Variants in FMN1 observed in about 807,000 individuals in gnomAD.
FMN1 encodes the protein formin-1.
Under a neutral mutation model 132.4 loss-of-function variants are expected in FMN1, and 110 were observed. That is an observed-to-expected ratio of 0.83 (90% confidence interval 0.71 to 0.97). The LOEUF (loss-of-function observed/expected upper bound fraction) is 0.97. Among genes scored for constraint, FMN1 ranks in the 50% least tolerant of loss-of-function variants. The pLI, the probability that FMN1 is intolerant of heterozygous loss-of-function variation, is 0.00. For synonymous variants in FMN1, 722 were observed against 651.7 expected (o/e 1.11, Z -1.64); for missense variants, 1,792 against 1,705.3 (o/e 1.05, Z -0.90).
intron 10 of FMN1, among the ~76,000 whole-genome samples, chr15:32,923,429 T>C (rs1395374242): frequency 1.3e-5 from 2 of 152,196 alleles, no homozygotes; most frequent in African/African-American, 4.8e-5. Flanking sequence ...CCTCCAGTTA[T>C]AGCGCCATAT....
At chr15:33,181,231 A>G (rs1965689324) in intron 2 of FMN1, among the ~76,000 whole-genome samples, 1 of 152,332 alleles carries the variant, frequency 6.6e-6, no homozygotes, top group East Asian at 1.9e-4. Flanking sequence ...TTCCTCCTGC[A>G]TGGAATATGA....
intron 6 of FMN1, among the ~76,000 whole-genome samples, chr15:33,010,303 G>C (rs543827148): frequency 2.4e-4 from 37 of 152,140 alleles, no homozygotes; most frequent in Non-Finnish European, 4.3e-4. Context: ...CCAGAGGTTA[G>C]AGATGGGGGT....
At chr15:32,944,890 T>C (rs545857777) in intron 9 of FMN1, among the ~76,000 whole-genome samples, 17 of 152,214 alleles carry the variant, frequency 1.1e-4, no homozygotes, top group South Asian at 2.1e-4. Flanking sequence ...TCATGGAGTC[T>C]TGCGGGAAGA....
intron 6 of FMN1, among the ~76,000 whole-genome samples, chr15:33,014,345 C>G (rs913466832): frequency 6.6e-6 from 1 of 152,148 alleles, no homozygotes; most frequent in African/African-American, 2.4e-5. Flanking sequence ...GGTGTCAACT[C>G]AAGACCAAGG....
At chr15:32,788,519 A>G (rs538841428) in intron 19 of FMN1, among the ~76,000 whole-genome samples, 1 of 152,302 alleles carries the variant, frequency 6.6e-6, no homozygotes, top group African/African-American at 2.4e-5. Flanking sequence ...GGGTGACTGG[A>G]ACAAAAGGGT....
At chr15:32,956,195 G>A (rs1210261781) in intron 9 of FMN1, among the ~76,000 whole-genome samples, 2 of 151,918 alleles carry the variant, frequency 1.3e-5, no homozygotes, top group African/African-American at 4.8e-5. Flanking sequence ...TGTGGTGTGG[G>A]GTAGGAAAAG....
intron 7 of FMN1, among the ~76,000 whole-genome samples, chr15:32,977,100 ATAAT>A (rs909984359): frequency 2.6e-5 from 4 of 152,354 alleles, no homozygotes; most frequent in African/African-American, 4.8e-5. Flanking sequence ...CTAACTCATA[ATAAT>A]TAATTAGTAA....
intron 6 of FMN1, chr15:33,012,123 C>G (rs913704484): frequency 2.2e-6 from 1 of 457,844 alleles, no homozygotes; most frequent in South Asian, 2.2e-5. Flanking sequence ...GCTGTCATGT[C>G]TGCACATCAG....
At chr15:33,033,072 C>T (rs1028170591) in intron 6 of FMN1, among the ~76,000 whole-genome samples, 1 of 152,102 alleles carries the variant, frequency 6.6e-6, no homozygotes, top group African/African-American at 2.4e-5. Flanking sequence ...GCTCTGTCGC[C>T]CAGGATGGAG....
intron 2 of FMN1, among the ~76,000 whole-genome samples, chr15:33,188,708 A>G (rs1448623945): frequency 2.0e-5 from 3 of 152,212 alleles, no homozygotes; most frequent in Admixed American, 1.3e-4. Context: ...AAAAAAGTCA[A>G]GACCTAGAAA....
At chr15:32,943,415 C>T (rs1046192141) in intron 9 of FMN1, among the ~76,000 whole-genome samples, 5 of 152,198 alleles carry the variant, frequency 3.3e-5, no homozygotes, top group Non-Finnish European at 5.9e-5. Context: ...ATTCCACCAC[C>T]TGGCCAAACT....
intron 6 of FMN1, among the ~76,000 whole-genome samples, chr15:33,018,763 T>C (rs2035231550): frequency 6.6e-6 from 1 of 152,136 alleles, no homozygotes; most frequent in Non-Finnish European, 1.5e-5. Flanking sequence ...GATGTTCGGA[T>C]GTGTTCGGAG....
At chr15:33,128,842 G>C (rs546494473) in intron 4 of FMN1, among the ~76,000 whole-genome samples, 14 of 152,340 alleles carry the variant, frequency 9.2e-5, no homozygotes, top group South Asian at 2.1e-4. Context: ...CAATGCGGAA[G>C]ACAACCGGAG....
At chr15:32,848,499 A>C (rs1176273305) in intron 17 of FMN1, among the ~76,000 whole-genome samples, 1 of 152,200 alleles carries the variant, frequency 6.6e-6, no homozygotes, top group African/African-American at 2.4e-5. Context: ...CCAAGGTACT[A>C]GCTCATAGAT....
chr15:32,832,923 A>T (rs1045624706), intron 17 of FMN1, among the ~76,000 whole-genome samples: 1 of 152,076 alleles, frequency 6.6e-6, no homozygotes, highest in Non-Finnish European at 1.5e-5. Context: ...GAGAGGTAGG[A>T]AGTAGGGTAG....
At chr15:32,972,129 T>A (rs2031844499) in intron 7 of FMN1, among the ~76,000 whole-genome samples, 2 of 151,732 alleles carry the variant, frequency 1.3e-5, no homozygotes, top group African/African-American at 4.8e-5. Flanking sequence ...TACAGAAGAG[T>A]GTTTGCAGCA....
rs751459588 is a variant in FMN1, at chr15:32,908,494, C to A, written c.3373G>T (p.Glu1125Ter). Residue 1125 changes from glutamate to a stop codon, truncating the protein, a stop_gained, in exon 12 of 21, where the codon GAG becomes TAG. Transcript: ENST00000616417. LOFTEE classifies it high-confidence loss of function. ...AAAAATGTTAAGTATCCTTACTGCT[C>A]AGGTTTATCCAGCAGCTTCAGTTCT... is the stretch of plus-strand genomic sequence containing the variant. ...EEELKLLDKP[E>*]QFLHELAQIP... 5.0e-6 allele frequency: 8 copies of A among 1,604,346 alleles called. No homozygotes were observed.
intron 10 of FMN1, among the ~76,000 whole-genome samples, chr15:32,914,683 A>G (rs972823431): frequency 2.6e-5 from 4 of 152,360 alleles, no homozygotes; most frequent in Middle Eastern, 3.4e-3. Flanking sequence ...AAAAACTTGA[A>G]TAGTGTGGAC....
chr15:32,944,781 T>C (rs2061473735), intron 9 of FMN1, among the ~76,000 whole-genome samples: 2 of 151,114 alleles, frequency 1.3e-5, no homozygotes, highest in South Asian at 4.2e-4. Context: ...GGGGGTGTGA[T>C]GGGTTGGAGG....
Sources: gnomAD v4.1 joint callset for allele counts (sites outside exome capture counted in the v4.1 genomes callset) on GRCh38, gnomAD v4.1.1 for gene constraint, MANE v1.5 for transcripts, NCBI Gene and HGNC (gene_info 2026-07-23, HGNC 2026-07-21) for gene names.